The following POLDIP3 variants were observed in gnomAD, a reference collection of about 807,000 sequenced individuals.
POLDIP3 encodes the protein DNA polymerase delta interacting protein 3.
Under a neutral mutation model 45.1 loss-of-function variants are expected in POLDIP3, and 14 were observed. The ratio of observed to expected loss-of-function variants is 0.31; its 90% CI spans 0.20 to 0.49. POLDIP3 has a LOEUF of 0.49. POLDIP3 is among the 20% of genes least tolerant of loss of function. The pLI is 0.99. For synonymous variants in POLDIP3, 223 were observed against 205.2 expected, an observed-to-expected ratio of 1.09 and a Z score of -0.74; for missense variants, 511 against 538.8, an observed-to-expected ratio of 0.95 and a Z score of 0.51.
At chr22:42,605,900 G>C (rs1297217220) in intron 1 of POLDIP3, among the ~76,000 whole-genome samples, 1 of 152,166 alleles carries the variant, frequency 6.6e-6, no homozygotes, top group East Asian at 1.9e-4. Context: ...CCAGCACTTT[G>C]GGAGGCCGAG....
At position 42,601,237 on chromosome 22, in the gene POLDIP3, G is replaced by A. The variant is rs189003008; in HGVS notation, c.537+733C>T. On this transcript the variant is annotated intron_variant, in intron 3 of 8. Coordinates refer to ENST00000252115, the MANE Select transcript of POLDIP3 (RefSeq NM_032311.5). ...TTTATTTAAAAAAATTAGGCCGGGCGCGGTGGCTCACACCTGTAATCCCAG... is the reference window on the plus strand; with the variant it reads ...TTTATTTAAAAAAATTAGGCCGGGCACGGTGGCTCACACCTGTAATCCCAG... Among the ~76,000 whole-genome samples the A allele has an allele frequency of 4.5e-3, 688 of 151,812 alleles. 3 individuals carry two copies. Among genetic ancestry groups the A allele is most frequent in the African/African-American group, 0.016 (642 of 41,402 alleles).
chr22:42,603,336 T>C (rs768376360), intron 1 of POLDIP3, among the ~76,000 whole-genome samples, 176 bp from the exon 2 acceptor site: 1 of 152,198 alleles, frequency 6.6e-6, no homozygotes, highest in South Asian at 2.1e-4. Context: ...CCTGGTTTCA[T>C]GATGGCTTTT....
intron 2 of POLDIP3, among the ~76,000 whole-genome samples, chr22:42,602,508 C>T (rs1202477754): frequency 6.6e-6 from 1 of 152,214 alleles, no homozygotes; most frequent in East Asian, 1.9e-4. Flanking sequence ...CTCTCTCTTT[C>T]TTCCACCAGT....
chr22:42,600,897 A>G (rs1418352268), intron 3 of POLDIP3, among the ~76,000 whole-genome samples: 1 of 152,098 alleles, frequency 6.6e-6, no homozygotes, highest in Non-Finnish European at 1.5e-5. Flanking sequence ...TGAACCCAGG[A>G]GTTCGAGACC....
Position 42,587,388 on chromosome 22 carries a change from G to C in POLDIP3, c.1088+118C>G, listed in dbSNP as rs1601880260. 2.8e-6 allele frequency: 3 copies of C among 1,090,040 alleles called. No homozygotes were observed. The East Asian group carries it at 7.1e-5, about 26-fold the overall frequency. The allele number at this position is 1,090,040 out of a possible 1,614,324, so 67.5% of individuals were successfully genotyped here. A position where few individuals can be genotyped will look rare whatever the true frequency, so the allele number is the denominator to read the frequency against. Reference sequence around the variant, plus strand: ...CATATGAAACGGCCAGCTGCCATTAGAACAGAGGAAACGGAATGGGGGGAT... The same window carrying C: ...CATATGAAACGGCCAGCTGCCATTACAACAGAGGAAACGGAATGGGGGGAT... On this transcript the variant is annotated intron_variant, in intron 8 of 8. Coordinates refer to ENST00000252115, the MANE Select transcript of POLDIP3 (RefSeq NM_032311.5).
chr22:42,605,177 G>C (rs543068637), intron 1 of POLDIP3, among the ~76,000 whole-genome samples: 1 of 152,212 alleles, frequency 6.6e-6, no homozygotes, highest in African/African-American at 2.4e-5. Flanking sequence ...ATCCAGGCTG[G>C]AGTGCAGTGG....
At chr22:42,598,616 C>T (rs534013233) in intron 4 of POLDIP3, among the ~76,000 whole-genome samples, 11 of 152,126 alleles carry the variant, frequency 7.2e-5, no homozygotes, top group Non-Finnish European at 1.6e-4. Flanking sequence ...CATCTCCTGA[C>T]CTTGTGATCT....
chr22:42,588,271 T>C (rs1013457803), intron 7 of POLDIP3, among the ~76,000 whole-genome samples: 5 of 151,908 alleles, frequency 3.3e-5, no homozygotes, highest in African/African-American at 7.3e-5. Context: ...CTGGCTAACA[T>C]GGTGAAACCC....
chr22:42,593,666 G>A (rs1024103633), intron 6 of POLDIP3, among the ~76,000 whole-genome samples: 1 of 152,110 alleles, frequency 6.6e-6, no homozygotes, highest in African/African-American at 2.4e-5. Context: ...CTACAGGCAC[G>A]TGCCACCACG....
chr22:42,597,458 C>T (rs1049928452), intron 4 of POLDIP3, among the ~76,000 whole-genome samples: 1 of 152,196 alleles, frequency 6.6e-6, no homozygotes, highest in African/African-American at 2.4e-5. Context: ...TGACTCCACA[C>T]AGGGCCCTGA....
chr22:42,613,755 C>T (rs1008324219), intron 1 of POLDIP3, among the ~76,000 whole-genome samples: 6 of 151,776 alleles, frequency 4.0e-5, no homozygotes, highest in African/African-American at 1.2e-4. Flanking sequence ...AGCAACACCC[C>T]GTCTCAAAAA....
At chr22:42,600,355 A>T (rs1926273091) in intron 3 of POLDIP3, among the ~76,000 whole-genome samples, 1 of 152,242 alleles carries the variant, frequency 6.6e-6, no homozygotes, top group African/African-American at 2.4e-5. Flanking sequence ...GGCTGGGCTC[A>T]GTGGCTCAAG....
intron 1 of POLDIP3, among the ~76,000 whole-genome samples, chr22:42,612,276 C>T (rs1235006718): frequency 6.6e-6 from 1 of 152,218 alleles, no homozygotes. Context: ...TTAATTCACT[C>T]AGTCCTAACA....
chr22:42,594,271 C>A (rs1197984362), intron 6 of POLDIP3, among the ~76,000 whole-genome samples: 2 of 151,810 alleles, frequency 1.3e-5, no homozygotes, highest in Non-Finnish European at 2.9e-5. Flanking sequence ...TTAAAAAAAA[C>A]AAATCGAGGT....
intron 6 of POLDIP3, among the ~76,000 whole-genome samples, chr22:42,592,443 T>A (rs568027038): frequency 2.0e-4 from 31 of 152,378 alleles, no homozygotes; most frequent in African/African-American, 7.0e-4. Context: ...AGACAGCTGC[T>A]AATATGTCAC....
At chr22:42,589,850 A>G (rs1411845209) in intron 7 of POLDIP3, among the ~76,000 whole-genome samples, 2 of 151,238 alleles carry the variant, frequency 1.3e-5, no homozygotes, top group Middle Eastern at 3.2e-3. Context: ...TATCAAAAAA[A>G]AAAAACAGAA....
At chr22:42,589,036 T>G (rs1405303481) in intron 7 of POLDIP3, among the ~76,000 whole-genome samples, 1 of 151,466 alleles carries the variant, frequency 6.6e-6, no homozygotes, top group Non-Finnish European at 1.5e-5. Flanking sequence ...AAGCCAGGAG[T>G]TTGACAGCAG....
rs1358520053 is a variant in POLDIP3 at position 42,602,868 on chromosome 22, G to C, written c.352C>G (p.Arg118Gly). 6.2e-7 allele frequency: 1 copy of C among 1,613,610 alleles called. No homozygotes were observed. The highest frequency in any genetic ancestry group is 8.5e-7 in the Non-Finnish European group (1 of 1,180,012). The change falls in exon 2 of 9, where the codon CGG becomes GGG. Residue 118 changes from arginine to glycine, a missense_variant. Arg to Gly is a moderately radical substitution (Grantham distance 125). Around this residue, in one of 4 missense-constraint regions of POLDIP3, gnomAD observed 378 missense variants for 352.3 expected, o/e 1.07. Coordinates refer to ENST00000252115, the MANE Select transcript of POLDIP3 (RefSeq NM_032311.5). ...CTCCTCTTCAAGCTGATCTTCTCCCGGGCATCAGCAACCTGGCGGGGCTTC... is the reference window on the plus strand; with the variant it reads ...CTCCTCTTCAAGCTGATCTTCTCCCCGGCATCAGCAACCTGGCGGGGCTTC... ...PQKPRQVADA[R>G]EKISLKRSSP...
At chr22:42,608,253 AC>A (rs200089986) in intron 1 of POLDIP3, among the ~76,000 whole-genome samples, 22,143 of 101,332 alleles carry the variant, frequency 0.22, 2,578 homozygotes, top group East Asian at 0.72. Flanking sequence ...CTATAACCTT[AC>A]CCCCCCCCCC....
Sources: allele counts gnomAD v4.1 joint callset (sites outside exome capture counted in the v4.1 genomes callset), GRCh38; gene constraint gnomAD v4.1.1; regional missense constraint gnomAD v4.1.1; transcripts MANE v1.5; gene names NCBI Gene and HGNC (gene_info 2026-07-23, HGNC 2026-07-21).